ADGRL3: variants seen among roughly 807,000 people sequenced by gnomAD.
ADGRL3 encodes adhesion G protein-coupled receptor L3, also known as calcium-independent alpha-latrotoxin receptor 3.
ADGRL3 carries 62 observed loss-of-function variants against 153.5 expected under a neutral mutation model. The observed-to-expected ratio is 0.40, with a 90% CI of 0.33 to 0.50. The LOEUF (loss-of-function observed/expected upper bound fraction) is 0.50. ADGRL3 is among the 20% of genes least tolerant of loss of function. ADGRL3 has a pLI of 0.47. For synonymous variants in ADGRL3, 710 were observed against 672.5 expected (o/e 1.06, Z -0.86); for missense variants, 1,641 against 1,859.4 (o/e 0.88, Z 2.16).
intron 9 of ADGRL3, among the ~76,000 whole-genome samples, chr4:61,878,972 A>T (rs2098492894): frequency 6.6e-6 from 1 of 152,134 alleles, no homozygotes; most frequent in Non-Finnish European, 1.5e-5. Context: ...TTTAATATTG[A>T]TGTAATATGT....
rs557644005 is a variant in ADGRL3, at chr4:61,317,838, A to G, written c.-239-65286A>G. The stretch of plus-strand genomic sequence containing the variant: ...TTATTTTACTCTTCTCCAACCCAGT[A>G]CAAAAACTTACAAGACAACTATTAT... On this transcript the variant is annotated intron_variant, in intron 1 of 26. Transcript: ENST00000683033. 2.0e-5 allele frequency among the ~76,000 whole-genome samples: 3 copies of G among 152,306 alleles called. No homozygotes were observed. In the East Asian group the frequency reaches 5.8e-4, roughly 29 times the overall value.
At chr4:61,727,621 T>C (rs1046400177) in intron 6 of ADGRL3, among the ~76,000 whole-genome samples, 5 of 152,242 alleles carry the variant, frequency 3.3e-5, no homozygotes, top group African/African-American at 4.8e-5. Context: ...CAGGCTGTTT[T>C]GTAGCAACAA....
intron 5 of ADGRL3, among the ~76,000 whole-genome samples, chr4:61,645,822 A>C (rs1196363622): frequency 6.6e-6 from 1 of 152,072 alleles, no homozygotes; most frequent in Non-Finnish European, 1.5e-5. Flanking sequence ...CCTGAGTCTT[A>C]ATGTTGGCCT....
chr4:61,981,563 C>A (rs2099068532), intron 18 of ADGRL3, among the ~76,000 whole-genome samples: 1 of 151,958 alleles, frequency 6.6e-6, no homozygotes. Context: ...ACAGCACTAG[C>A]CAACTGTTGG....
chr4:61,347,454 G>T (rs1455570930), intron 1 of ADGRL3, among the ~76,000 whole-genome samples: 3 of 152,094 alleles, frequency 2.0e-5, no homozygotes, highest in African/African-American at 7.2e-5. Flanking sequence ...TGTAATTCAT[G>T]ACTACTTAGA....
At chr4:61,757,063 A>G (rs1300359823) in intron 8 of ADGRL3, among the ~76,000 whole-genome samples, 1 of 152,088 alleles carries the variant, frequency 6.6e-6, no homozygotes, top group African/African-American at 2.4e-5. Context: ...TTCATCAGAG[A>G]TATTGGTCTA....
At chr4:62,006,021 TATATATA>T (rs1560495161) in intron 21 of ADGRL3, among the ~76,000 whole-genome samples, 2 of 103,876 alleles carry the variant, frequency 1.9e-5, no homozygotes, top group African/African-American at 7.0e-5. Flanking sequence ...TATATATATA[TATATATA>T]TATATTTTTT....
At chr4:61,777,268 G>A (rs776477572) in intron 8 of ADGRL3, among the ~76,000 whole-genome samples, 11 of 151,944 alleles carry the variant, frequency 7.2e-5, no homozygotes, top group Non-Finnish European at 1.5e-4. Context: ...GCGAGGCGGA[G>A]CTTTCAGTGA....
intron 2 of ADGRL3, among the ~76,000 whole-genome samples, chr4:61,433,460 T>C (rs2097401732): frequency 6.6e-6 from 1 of 152,126 alleles, no homozygotes. Context: ...TACTTAAATA[T>C]CAATAGTATT....
At chr4:61,622,962 C>T (rs894016766) in intron 5 of ADGRL3, among the ~76,000 whole-genome samples, 8 of 152,190 alleles carry the variant, frequency 5.3e-5, no homozygotes, top group Admixed American at 5.2e-4. Context: ...CCTATTTCCT[C>T]ATGAGTTTTT....
At chr4:61,719,771 T>G (rs1019405174) in intron 6 of ADGRL3, among the ~76,000 whole-genome samples, 8 of 151,698 alleles carry the variant, frequency 5.3e-5, no homozygotes, top group African/African-American at 1.9e-4. Flanking sequence ...CTGGCTAATT[T>G]TTGTATTTTT....
rs1292464555 is a variant in ADGRL3 at position 61,201,387 on chromosome 4, T to C, written c.-618T>C. On this transcript the variant is annotated 5_prime_UTR_variant, in exon 1 of 27. Coordinates refer to ENST00000683033, the MANE Select transcript of ADGRL3 (RefSeq NM_001387552.1). The stretch of plus-strand genomic sequence containing the variant: ...GAGACAGAGCCTGACTCCGAAGTTG[T>C]GCAACTGTGGACTGGGAGAGACATT... 1 of 152,724 alleles carries C rather than the reference T, an allele frequency of 6.5e-6. No individual in the cohort carries two copies. The highest frequency in any genetic ancestry group is 2.4e-5 in the African/African-American group (1 of 41,444). The allele number at this position is 152,724 out of a possible 1,614,324, so 9.5% of individuals were successfully genotyped here.
intron 6 of ADGRL3, among the ~76,000 whole-genome samples, chr4:61,679,234 T>C (rs12507326): frequency 0.62 from 94,137 of 151,696 alleles, 30,044 homozygotes; most frequent in Non-Finnish European, 0.72. Context: ...AACCAGTTCT[T>C]ATGTGAATTC....
chr4:61,386,354 A>C (rs2096736019), intron 2 of ADGRL3, among the ~76,000 whole-genome samples: 1 of 152,146 alleles, frequency 6.6e-6, no homozygotes, highest in African/African-American at 2.4e-5. Flanking sequence ...AAGACTATGA[A>C]ATATGGATTT....
intron 21 of ADGRL3, among the ~76,000 whole-genome samples, chr4:62,028,617 A>G (rs1276440654): frequency 2.0e-5 from 3 of 151,852 alleles, no homozygotes; most frequent in African/African-American, 4.8e-5. Context: ...TGATAAAAAA[A>G]TGGAATTTTG....
At chr4:61,379,640 C>G (rs769396331) in intron 1 of ADGRL3, among the ~76,000 whole-genome samples, 32 of 151,960 alleles carry the variant, frequency 2.1e-4, no homozygotes, top group African/African-American at 6.7e-4. Context: ...CTCATGAACC[C>G]TGACTGGATA....
chr4:61,412,804 G>T (rs1198687922), intron 2 of ADGRL3, among the ~76,000 whole-genome samples: 1 of 152,058 alleles, frequency 6.6e-6, no homozygotes, highest in Non-Finnish European at 1.5e-5. Context: ...CTAAGATGGT[G>T]TTCTATCATT....
intron 17 of ADGRL3, among the ~76,000 whole-genome samples, chr4:61,978,121 TC>T (rs1332405459): frequency 6.6e-6 from 1 of 152,120 alleles, no homozygotes; most frequent in African/African-American, 2.4e-5. Flanking sequence ...GCAACTTCCA[TC>T]CTAAAACAAA....
chr4:62,044,682 G>A, intron 25 of ADGRL3, 133 bp downstream of exon 25: 1 of 586,004 alleles, frequency 1.7e-6, no homozygotes, highest in Non-Finnish European at 3.0e-6. Flanking sequence ...AAACTTGGTT[G>A]AGTGTAGCAA....
Sources: gnomAD v4.1 joint callset for allele counts (sites outside exome capture counted in the v4.1 genomes callset) on GRCh38, gnomAD v4.1.1 for gene constraint, MANE v1.5 for transcripts, NCBI Gene and HGNC (gene_info 2026-07-23, HGNC 2026-07-21) for gene names.